The following MTMR10 variants were observed in gnomAD, a reference collection of about 807,000 sequenced individuals.
MTMR10 encodes myotubularin related protein 10, also known as myotubularin-related protein 10.
MTMR10 carries 56 observed loss-of-function variants against 88.1 expected under a neutral mutation model. The ratio of observed to expected loss-of-function variants is 0.64; its 90% CI spans 0.51 to 0.79. The LOEUF is 0.79. Among genes scored for constraint, MTMR10 ranks in the 30% least tolerant of loss-of-function variants. The pLI, the probability that MTMR10 is intolerant of heterozygous loss-of-function variation, is 0.00. For missense variants in MTMR10, 883 were observed against 924.7 expected, an observed-to-expected ratio of 0.95 and a Z score of 0.58; for synonymous variants, 380 against 340.9, an observed-to-expected ratio of 1.11 and a Z score of -1.26.
At chr15:30,986,864 C>A (rs2030972249) in intron 2 of MTMR10, among the ~76,000 whole-genome samples, 1 of 152,200 alleles carries the variant, frequency 6.6e-6, no homozygotes, top group Non-Finnish European at 1.5e-5. Context: ...ACAGACCTGG[C>A]ACCCAGGAGA....
chr15:30,986,768 T>C (rs1364637293), intron 2 of MTMR10, among the ~76,000 whole-genome samples: 3 of 152,200 alleles, frequency 2.0e-5, no homozygotes, highest in Non-Finnish European at 4.4e-5. Context: ...CACAGTCTTC[T>C]ACCTTGTCAA....
chr15:30,990,594 C>CA (rs1566974017), intron 2 of MTMR10, among the ~76,000 whole-genome samples, 183 bp downstream of exon 2: 2 of 152,028 alleles, frequency 1.3e-5, no homozygotes, highest in Non-Finnish European at 1.5e-5. Flanking sequence ...ATTCGGGAGA[C>CA]AAAAAAGGAA....
downstream of MTMR10, among the ~76,000 whole-genome samples, chr15:30,938,243 T>G: frequency 6.6e-6 from 1 of 152,168 alleles, no homozygotes; most frequent in Non-Finnish European, 1.5e-5. Flanking sequence ...ATTAATTATA[T>G]GGGAAACCGA....
At chr15:30,922,097 T>A in the MTMR10 span, 1 of 1,096,266 alleles carries the variant, frequency 9.1e-7, no homozygotes, top group African/African-American at 1.6e-5. Flanking sequence ...GTCCTGTCAG[T>A]TCGGGGTCCT....
At chr15:30,942,691 T>C in intron 15 of MTMR10, 199 bp downstream of exon 15, 2 of 555,156 alleles carry the variant, frequency 3.6e-6, no homozygotes, top group Non-Finnish European at 6.2e-6. Flanking sequence ...CACTCTCAGG[T>C]ACTGAGACTT....
At chr15:30,986,978 T>TAC (rs1417885811) in intron 2 of MTMR10, among the ~76,000 whole-genome samples, 8 of 152,142 alleles carry the variant, frequency 5.3e-5, no homozygotes, top group Admixed American at 3.3e-4. Flanking sequence ...CAAACATATA[T>TAC]ACACACACAC....
intron 15 of MTMR10, chr15:30,942,629 A>C (rs539064523): frequency 1.6e-5 from 7 of 442,928 alleles, no homozygotes; most frequent in African/African-American, 4.0e-5. Context: ...CAAGAAATGG[A>C]TAAATGGGGC....
At chr15:30,957,578 C>T (rs1317911747) in intron 9 of MTMR10, among the ~76,000 whole-genome samples, 2 of 152,112 alleles carry the variant, frequency 1.3e-5, no homozygotes, top group African/African-American at 4.8e-5. Context: ...CAAAAATCAG[C>T]TGGATGTGGT....
At chr15:30,984,939 C>G (rs1296714575) in intron 2 of MTMR10, among the ~76,000 whole-genome samples, 1 of 152,162 alleles carries the variant, frequency 6.6e-6, no homozygotes, top group East Asian at 1.9e-4. Flanking sequence ...ACTACTTTTT[C>G]TCTCCTCTAC....
the MTMR10 span, among the ~76,000 whole-genome samples, chr15:30,929,725 A>T: frequency 4.0e-5 from 3 of 75,756 alleles, no homozygotes; most frequent in Non-Finnish European, 6.5e-5. Flanking sequence ...AATATATATA[A>T]AATATATAAT....
intron 12 of MTMR10, chr15:30,949,526 C>G (rs1278062532): frequency 1.3e-5 from 2 of 152,090 alleles, no homozygotes; most frequent in East Asian, 1.9e-4. Context: ...ATTCTGTACA[C>G]AACAATCTGA....
intron 5 of MTMR10, among the ~76,000 whole-genome samples, chr15:30,973,284 A>T (rs1468529041): frequency 6.6e-6 from 1 of 152,138 alleles, no homozygotes; most frequent in Non-Finnish European, 1.5e-5. Context: ...TTACCCATAG[A>T]GGAGCCTACA....
At position 30,939,388 on chromosome 15, in the gene MTMR10, C is replaced by A; in HGVS notation, c.*2082G>T. 1 of 985,460 alleles carries A rather than the reference C, an allele frequency of 1.0e-6. No individual in the cohort carries two copies. The highest frequency in any genetic ancestry group is 4.7e-5 in the South Asian group (1 of 21,292). 61.0% of individuals were successfully genotyped at this position (985,460 alleles called of 1,614,324 possible). On this transcript the variant is annotated 3_prime_UTR_variant, in exon 16 of 16. Transcript: ENST00000435680. ...TCTAGTGCGCCCTGTGCAGCCACAC[C>A]ACTGCTGTCACCACATGTCCCTCTG...
intron 14 of MTMR10, chr15:30,946,258 A>G (rs1475636736): frequency 6.5e-6 from 1 of 153,512 alleles, no homozygotes; most frequent in Non-Finnish European, 1.4e-5. Flanking sequence ...AATAATTCAT[A>G]TGTCTTTAGG....
At chr15:30,968,623 G>A (rs2063501244) in intron 5 of MTMR10, among the ~76,000 whole-genome samples, 1 of 151,550 alleles carries the variant, frequency 6.6e-6, no homozygotes, top group African/African-American at 2.4e-5. Context: ...CCCTGTGGTG[G>A]AAAACGTGCG....
At position 30,953,548 on chromosome 15, in the gene MTMR10, AAAG is replaced by A; in HGVS notation, c.1136+11_1136+13del. On this transcript the variant is annotated intron_variant, in intron 11 of 15. Transcript: ENST00000435680. ...ATAAAAAGTTAAAGGAAAAGAAAGT[AAAG>A]AAGTACAAACCTTACATATTCTAAC... is the stretch of plus-strand genomic sequence containing the variant. The A allele has an allele frequency of 6.6e-7, 1 of 1,514,738 alleles. No homozygotes were observed. Among genetic ancestry groups the A allele is most frequent in the Admixed American group, 2.1e-5 (1 of 47,146 alleles). The allele number at this position is 1,514,738 out of a possible 1,614,324, so 93.8% of individuals were successfully genotyped here. A position where few individuals can be genotyped will look rare whatever the true frequency, so the allele number is the denominator to read the frequency against.
the MTMR10 span, chr15:30,927,050 A>G: frequency 1.6e-5 from 16 of 982,254 alleles, no homozygotes; most frequent in African/African-American, 3.5e-5. Context: ...GGTAGCTTAC[A>G]CTTGTAATCC....
intron 3 of MTMR10, among the ~76,000 whole-genome samples, 179 bp downstream of exon 3, chr15:30,976,640 T>C (rs2030173361): frequency 6.6e-6 from 1 of 152,220 alleles, no homozygotes; most frequent in African/African-American, 2.4e-5. Context: ...CTAATACTCC[T>C]CTAGCAAGTT....
chr15:30,957,407 AATG>A (rs2063342247), intron 9 of MTMR10, among the ~76,000 whole-genome samples: 1 of 152,162 alleles, frequency 6.6e-6, no homozygotes, highest in Admixed American at 6.5e-5. Flanking sequence ...ATCTTGAGGA[AATG>A]ATGTTTGAAT....
Sources: gnomAD v4.1 joint callset for allele counts (sites outside exome capture counted in the v4.1 genomes callset) on GRCh38, gnomAD v4.1.1 for gene constraint, MANE v1.5 for transcripts, NCBI Gene and HGNC (gene_info 2026-07-23, HGNC 2026-07-21) for gene names.